The following LRP1B variants were observed in gnomAD, a reference collection of about 807,000 sequenced individuals.
LRP1B encodes low-density lipoprotein receptor-related protein 1B.
LRP1B carries 217 observed loss-of-function variants against 556.6 expected under a neutral mutation model. That is an observed-to-expected ratio of 0.39 (90% CI 0.35 to 0.44). The LOEUF (loss-of-function observed/expected upper bound fraction) is 0.44, where lower values mean the gene tolerates loss of function less well. LRP1B is among the 20% of genes least tolerant of loss of function. The probability of loss-of-function intolerance (pLI) is 1.00; values close to 1 mark genes in which losing one functional copy is unlikely to be tolerated. For synonymous variants in LRP1B, 2,047 were observed against 1,865.8 expected (o/e 1.10, Z -2.50); for missense variants, 5,053 against 5,620.8 (o/e 0.90, Z 3.23).
intron 1 of LRP1B, among the ~76,000 whole-genome samples, chr2:141,844,389 A>G (rs1046407686): frequency 5.9e-5 from 9 of 152,144 alleles, no homozygotes; most frequent in African/African-American, 2.2e-4. Context: ...TTACCTAGCT[A>G]TGTTCCATAA....
intron 3 of LRP1B, among the ~76,000 whole-genome samples, chr2:141,398,263 G>A (rs918200755): frequency 6.6e-6 from 1 of 152,120 alleles, no homozygotes; most frequent in African/African-American, 2.4e-5. Flanking sequence ...ATGATCTGAT[G>A]TCAGTTGTAA....
chr2:140,845,890 C>T (rs1692260045), intron 29 of LRP1B, among the ~76,000 whole-genome samples: 1 of 152,110 alleles, frequency 6.6e-6, no homozygotes. Flanking sequence ...AATAGTCCAA[C>T]ACATTTATTA....
At chr2:140,932,914 C>CACACACACACAT (rs767618295) in intron 20 of LRP1B, among the ~76,000 whole-genome samples, 1 of 149,926 alleles carries the variant, frequency 6.7e-6, no homozygotes, top group South Asian at 2.1e-4. Context: ...CACACACACA[C>CACACACACACAT]ACATATATAT....
At chr2:140,589,270 A>G (rs1243145109) in intron 43 of LRP1B, among the ~76,000 whole-genome samples, 3 of 152,208 alleles carry the variant, frequency 2.0e-5, no homozygotes, top group Non-Finnish European at 4.4e-5. Context: ...AAAGTGGGGG[A>G]AAATATTTAC....
intron 66 of LRP1B, among the ~76,000 whole-genome samples, chr2:140,410,336 C>A (rs896187755): frequency 4.6e-5 from 7 of 151,884 alleles, no homozygotes; most frequent in Non-Finnish European, 7.4e-5. Context: ...GCTGCATAGT[C>A]AACAAAGTAT....
rs1007640103 is a variant in LRP1B, at chr2:140,850,156, T to C, written c.4885A>G (p.Thr1629Ala). The C allele has an allele frequency of 6.2e-7, 1 of 1,613,756 alleles. No individual in the cohort carries two copies. Among genetic ancestry groups the C allele is most frequent in the African/African-American group, 1.3e-5 (1 of 75,014 alleles). ...CCGTTAATAAAAGCTCGTTTAATGG[T>C]TTGTGTTTTAATATCTGTCCAGTAT... is the stretch of plus-strand genomic sequence containing the variant. ...RLYWTDIKTQ[T>A]IKRAFINGTG... is the part of the protein sequence containing the mutation. The change falls in exon 29 of 91, where the codon ACC becomes GCC. Residue 1629 changes from threonine to alanine, a missense_variant. Thr to Ala is a moderately conservative substitution (Grantham distance 58). Transcript: ENST00000389484.
At chr2:141,169,092 C>A (rs1680383148) in intron 7 of LRP1B, among the ~76,000 whole-genome samples, 1 of 151,592 alleles carries the variant, frequency 6.6e-6, no homozygotes, top group African/African-American at 2.4e-5. Flanking sequence ...TTGAGACCAG[C>A]CCAACCGACA....
rs1684198048 is a variant in LRP1B, at chr2:140,309,320, TTATTTATACTTCTA to T, written c.12805+5601_12805+5614del. On this transcript the variant is annotated intron_variant, in intron 83 of 90. Coordinates refer to ENST00000389484, the MANE Select transcript of LRP1B (RefSeq NM_018557.3). ...TATGCTTCAAATTATAGGTCACAAT[TTATTTATACTTCTA>T]TATACTTCTAGAAGGTTTATTTTCA... 2.6e-5 allele frequency among the ~76,000 whole-genome samples: 4 copies of T among 151,836 alleles called. No individual in the cohort carries two copies. The South Asian group carries it at 8.3e-4, about 31-fold the overall frequency.
At chr2:140,956,280 T>G (rs1558762528) in intron 18 of LRP1B, among the ~76,000 whole-genome samples, 2 of 151,826 alleles carry the variant, frequency 1.3e-5, no homozygotes, top group Admixed American at 6.6e-5. Context: ...CAAGTGGCAG[T>G]AAAGTTTGAA....
chr2:140,685,328 C>T (rs1456114095), intron 41 of LRP1B, among the ~76,000 whole-genome samples: 1 of 152,092 alleles, frequency 6.6e-6, no homozygotes, highest in Non-Finnish European at 1.5e-5. Flanking sequence ...ATTGTTTGTG[C>T]CAATTTATTA....
chr2:140,654,213 A>G (rs919558368), intron 41 of LRP1B, among the ~76,000 whole-genome samples: 8 of 152,010 alleles, frequency 5.3e-5, no homozygotes, highest in African/African-American at 1.9e-4. Context: ...TTTCTTTACC[A>G]TGCTTTTCTG....
At chr2:140,242,569 A>T (rs1680992948) in intron 87 of LRP1B, among the ~76,000 whole-genome samples, 1 of 151,190 alleles carries the variant, frequency 6.6e-6, no homozygotes, top group Non-Finnish European at 1.5e-5. Context: ...TAACAGAATA[A>T]CAAATAAATG....
rs187029873 is a variant in LRP1B, at chr2:140,669,849, T to A, written c.6799+30401A>T. Reference sequence around the variant, plus strand: ...CAATATTTCACTCACATAGTGATAATCGCACACATATTAATTCATATTACT... The same window carrying A: ...CAATATTTCACTCACATAGTGATAAACGCACACATATTAATTCATATTACT... On this transcript the variant is annotated intron_variant, in intron 41 of 90. Transcript: ENST00000389484. Among the ~76,000 whole-genome samples the A allele has an allele frequency of 1.8e-4, 27 of 152,038 alleles. No homozygotes were observed. The East Asian group carries it at 4.2e-3, about 24-fold the overall frequency.
Position 141,192,109 on chromosome 2 carries a change from T to C in LRP1B, c.851-3526A>G, listed in dbSNP as rs1249439. 4.9e-3 allele frequency among the ~76,000 whole-genome samples: 748 copies of C among 152,028 alleles called. 4 individuals carry two copies. The highest frequency in any genetic ancestry group is 0.017 in the African/African-American group (712 of 41,536). On this transcript the variant is annotated intron_variant, in intron 6 of 90. Coordinates refer to ENST00000389484, the MANE Select transcript of LRP1B (RefSeq NM_018557.3). Reference sequence around the variant, plus strand: ...CCAAACACTTAGTAACTATGGGGAATTGGCTTTGTTCCTCATTTTATAGTT... The same window carrying C: ...CCAAACACTTAGTAACTATGGGGAACTGGCTTTGTTCCTCATTTTATAGTT...
At chr2:140,742,345 C>A (rs1463847093) in intron 35 of LRP1B, among the ~76,000 whole-genome samples, 1 of 152,048 alleles carries the variant, frequency 6.6e-6, no homozygotes, top group Non-Finnish European at 1.5e-5. Context: ...TCATCTAGTT[C>A]TCTCATGTTT....
At position 140,856,269 on chromosome 2, in the gene LRP1B, T is replaced by G. The variant is rs569995019; in HGVS notation, c.4580-4486A>C. Among the ~76,000 whole-genome samples the G allele has an allele frequency of 1.4e-4, 21 of 152,346 alleles. No homozygotes were observed. The South Asian group carries it at 4.1e-3, about 30-fold the overall frequency. ...CATCATCAGTATCTTTACATTAACC[T>G]TCCTTCATGTCTCAGCTCAATTCAT... On this transcript the variant is annotated intron_variant, in intron 27 of 90. Coordinates refer to ENST00000389484, the MANE Select transcript of LRP1B (RefSeq NM_018557.3).
At chr2:140,495,313 C>CT (rs10536858) in intron 56 of LRP1B, among the ~76,000 whole-genome samples, 3,376 of 133,732 alleles carry the variant, frequency 0.025, 76 homozygotes, top group African/African-American at 0.065. Flanking sequence ...AGAGATAGTT[C>CT]TTTTTTTTTT....
intron 20 of LRP1B, among the ~76,000 whole-genome samples, chr2:140,941,115 C>G (rs1475968306): frequency 2.6e-5 from 4 of 151,996 alleles, no homozygotes; most frequent in South Asian, 2.1e-4. Flanking sequence ...GAAAAAGAAA[C>G]AGCATGACAT....
chr2:140,741,976 A>G (rs1002977262), intron 35 of LRP1B, among the ~76,000 whole-genome samples: 6 of 152,156 alleles, frequency 3.9e-5, no homozygotes, highest in Non-Finnish European at 7.3e-5. Context: ...TTCCATACAC[A>G]CTAGTATTAG....
Sources: gnomAD v4.1 joint callset for allele counts (sites outside exome capture counted in the v4.1 genomes callset) on GRCh38, gnomAD v4.1.1 for gene constraint, MANE v1.5 for transcripts, NCBI Gene and HGNC (gene_info 2026-07-23, HGNC 2026-07-21) for gene names.